Variants in HTT observed in about 807,000 individuals in gnomAD.
HTT encodes huntington disease protein.
Under a neutral mutation model 362.3 loss-of-function variants are expected in HTT, and 104 were observed. The ratio of observed to expected loss-of-function variants is 0.29; its 90% CI spans 0.24 to 0.34. The LOEUF (loss-of-function observed/expected upper bound fraction) is 0.34. Ranked by LOEUF, HTT falls within the 10% of genes least tolerant of loss-of-function variation. The pLI, the probability that HTT is intolerant of heterozygous loss-of-function variation, is 1.00. For missense variants in HTT, 3,301 were observed against 3,928.6 expected, an observed-to-expected ratio of 0.84 and a Z score of 4.27; for synonymous variants, 1,577 against 1,548.7, an observed-to-expected ratio of 1.02 and a Z score of -0.43.
At chr4:3,149,910 C>T (rs992994473) in intron 26 of HTT, among the ~76,000 whole-genome samples, 57 of 152,212 alleles carry the variant, frequency 3.7e-4, no homozygotes, top group African/African-American at 1.3e-3. Context: ...CAGCGTTTCC[C>T]GCCCAGATCA....
At chr4:3,196,515 A>C (rs1484051416) in intron 40 of HTT, among the ~76,000 whole-genome samples, 3 of 152,158 alleles carry the variant, frequency 2.0e-5, no homozygotes, top group Non-Finnish European at 4.4e-5. Flanking sequence ...AGGTGGGCAG[A>C]TTGCTTGAGC....
intron 53 of HTT, 125 bp downstream of exon 53, chr4:3,220,433 A>C: frequency 1.0e-6 from 1 of 954,878 alleles, no homozygotes; most frequent in Non-Finnish European, 1.6e-6. Flanking sequence ...TAATAATACA[A>C]ACCTATGTGA....
chr4:3,231,861 C>A (rs185284287), intron 60 of HTT, among the ~76,000 whole-genome samples: 1 of 152,282 alleles, frequency 6.6e-6, no homozygotes, highest in East Asian at 1.9e-4. Flanking sequence ...GTTGTGCCAT[C>A]AGTAATCAAA....
At chr4:3,146,221 C>CT (rs1417133960) in intron 24 of HTT, among the ~76,000 whole-genome samples, 8 of 152,174 alleles carry the variant, frequency 5.3e-5, no homozygotes. Context: ...GGTAGTTTGA[C>CT]TTACACTGTC....
At chr4:3,150,788 G>A (rs571088943) in intron 26 of HTT, among the ~76,000 whole-genome samples, 10 of 152,316 alleles carry the variant, frequency 6.6e-5, no homozygotes, top group African/African-American at 2.4e-4. Context: ...TGTAATTCCA[G>A]AACTTTGGGA....
At chr4:3,183,838 G>T (rs931845796) in intron 37 of HTT, among the ~76,000 whole-genome samples, 2 of 152,172 alleles carry the variant, frequency 1.3e-5, no homozygotes, top group African/African-American at 4.8e-5. Flanking sequence ...CAACATTTAT[G>T]AAACGCTTAG....
Position 3,188,988 on chromosome 4 carries a change from A to G in HTT, c.5263A>G (p.Ile1755Val), listed in dbSNP as rs758872041. The stretch of plus-strand genomic sequence containing the variant: ...ACTGGTTGGTATTCTTTTAGAAGAC[A>G]TTGTTACAAAACAGCTGAAGGTGGA... The part of the protein sequence containing the change: ...LQLVGILLED[I>V]VTKQLKVEMS... Residue 1755 changes from isoleucine to valine, a missense_variant, in exon 40 of 67, where the codon ATT becomes GTT. Physicochemically the swap from Ile to Val is conservative, Grantham distance 29 (BLOSUM62 3). Coordinates refer to ENST00000355072, the MANE Select transcript of HTT (RefSeq NM_001388492.1). 12 of 1,614,158 alleles carry G rather than the reference A, an allele frequency of 7.4e-6. No individual in the cohort carries two copies. The South Asian group carries it at 9.9e-5, about 13-fold the overall frequency.
intron 40 of HTT, among the ~76,000 whole-genome samples, chr4:3,197,276 G>C (rs1247701112): frequency 3.9e-5 from 6 of 152,070 alleles, no homozygotes; most frequent in Non-Finnish European, 8.8e-5. Flanking sequence ...TTCTCTTGCT[G>C]GTCCTTGTAG....
At position 3,173,333 on chromosome 4, in the gene HTT, TGA is replaced by T. The variant is rs373243137; in HGVS notation, c.4166+204_4166+205del. 6.9e-3 allele frequency: 3,992 copies of T among 576,648 alleles called. 21 individuals carry two copies. Among genetic ancestry groups the T allele is most frequent in the African/African-American group, 0.018 (939 of 53,530 alleles). 35.7% of individuals were successfully genotyped at this position (576,648 alleles called of 1,614,324 possible). A position where few individuals can be genotyped will look rare whatever the true frequency, so the allele number is the denominator to read the frequency against. On this transcript the variant is annotated intron_variant, in intron 31 of 66. Transcript: ENST00000355072. ...GGCCTTCCAAGAAGTGTGTGGCCAG[TGA>T]GTGAGATGGGCTTGGGACTTACACA...
chr4:3,202,071 G>A (rs1322780793), intron 41 of HTT, among the ~76,000 whole-genome samples: 1 of 152,112 alleles, frequency 6.6e-6, no homozygotes, highest in Non-Finnish European at 1.5e-5. Flanking sequence ...CCTCTCTTAT[G>A]GACTCTGTCA....
intron 60 of HTT, among the ~76,000 whole-genome samples, chr4:3,231,426 C>T (rs1226723324): frequency 6.6e-6 from 1 of 152,146 alleles, no homozygotes; most frequent in Non-Finnish European, 1.5e-5. Context: ...GTGACCTTGG[C>T]CCCACCCTAG....
At chr4:3,163,219 G>A (rs1717529612) in intron 29 of HTT, among the ~76,000 whole-genome samples, 1 of 152,154 alleles carries the variant, frequency 6.6e-6, no homozygotes. Flanking sequence ...TTTATGTGAT[G>A]GATTACGTTT....
intron 36 of HTT, among the ~76,000 whole-genome samples, chr4:3,181,158 A>G (rs1249322975): frequency 6.6e-6 from 1 of 152,114 alleles, no homozygotes; most frequent in East Asian, 1.9e-4. Context: ...CTAGGATTAC[A>G]GGCGTGAGCC....
chr4:3,200,841 A>T (rs1347408032), intron 41 of HTT, among the ~76,000 whole-genome samples: 1 of 152,198 alleles, frequency 6.6e-6, no homozygotes, highest in Admixed American at 6.5e-5. Context: ...GCCTGTTACG[A>T]TGACTGAGCA....
rs1578593622 is a variant in HTT, at chr4:3,212,506, C to T, written c.6629-58C>T. The T allele has an allele frequency of 7.6e-6, 12 of 1,572,558 alleles. 1 individual carries two copies. Among genetic ancestry groups the T allele is most frequent in the South Asian group, 6.9e-5 (6 of 87,144 alleles). On this transcript the variant is annotated intron_variant, in intron 48 of 66. Coordinates refer to ENST00000355072, the MANE Select transcript of HTT (RefSeq NM_001388492.1). ...CTCAGAGAATTGCTTGACTGCCTTT[C>T]GAAGTTGATGCATCTGTGCTCACGT...
chr4:3,235,912 C>G lies in HTT; in HGVS notation c.8785+134C>G, dbSNP rs1721506426. On this transcript the variant is annotated intron_variant, in intron 63 of 66. Transcript: ENST00000355072. Reference sequence around the variant, plus strand: ...TGGTGTTGCCCCAAGCCGGCCCCATCACCTTGCAAGAAAGGCTCTGGAGCC... The same window carrying G: ...TGGTGTTGCCCCAAGCCGGCCCCATGACCTTGCAAGAAAGGCTCTGGAGCC... 8 of 789,962 alleles carry G rather than the reference C, an allele frequency of 1.0e-5. No homozygotes were observed. The South Asian group carries it at 1.2e-4, about 11-fold the overall frequency. 48.9% of individuals were successfully genotyped at this position (789,962 alleles called of 1,614,324 possible).
At chr4:3,083,027 G>C (rs1560539296) in intron 1 of HTT, among the ~76,000 whole-genome samples, 1 of 152,174 alleles carries the variant, frequency 6.6e-6, no homozygotes, top group Non-Finnish European at 1.5e-5. Context: ...TGTATAGCGG[G>C]AGAAGAGAGG....
At position 3,187,842 on chromosome 4, in the gene HTT, T is replaced by C. The variant is rs779412302; in HGVS notation, c.5181T>C (p.Ser1727=). ...GTACTTCAACGCTAGAAGAACACAG[T>C]GAAGGGAAACAAATAAAGAATTTGC... ...GDSTSTLEEH[S]EGKQIKNLPE... is the part of the protein sequence containing the mutation. The change falls in exon 39 of 67, where the codon AGT becomes AGC. Residue 1727 remains serine (S), a synonymous_variant. Transcript: ENST00000355072. 6.2e-7 allele frequency: 1 copy of C among 1,613,102 alleles called. No homozygotes were observed. Among genetic ancestry groups the C allele is most frequent in the East Asian group, 2.2e-5 (1 of 44,884 alleles).
intron 6 of HTT, among the ~76,000 whole-genome samples, chr4:3,111,824 G>C (rs1714766628): frequency 6.6e-6 from 1 of 152,130 alleles, no homozygotes; most frequent in Non-Finnish European, 1.5e-5. Context: ...TGCCCAAGGA[G>C]CCATGAGACC....
Sources: gnomAD v4.1 joint callset for allele counts (sites outside exome capture counted in the v4.1 genomes callset) on GRCh38, gnomAD v4.1.1 for gene constraint, MANE v1.5 for transcripts, NCBI Gene and HGNC (gene_info 2026-07-23, HGNC 2026-07-21) for gene names.